KLF13: variants seen among roughly 807,000 people sequenced by gnomAD.
KLF13 encodes the protein KLF transcription factor 13.
KLF13 carries 8 observed loss-of-function variants against 16.7 expected under a neutral mutation model. The ratio of observed to expected loss-of-function variants is 0.48; its 90% CI spans 0.28 to 0.87. The LOEUF (loss-of-function observed/expected upper bound fraction) is 0.87. Among genes scored for constraint, KLF13 ranks in the 40% least tolerant of loss-of-function variants. The probability of loss-of-function intolerance (pLI) is 0.10; values close to 1 mark genes in which losing one functional copy is unlikely to be tolerated. For missense variants in KLF13, 447 were observed against 452.2 expected, an observed-to-expected ratio of 0.99 and a Z score of 0.10; for synonymous variants, 245 against 208.4, an observed-to-expected ratio of 1.18 and a Z score of -1.51.
At chr15:31,369,007 T>C (rs2039517826) in intron 1 of KLF13, among the ~76,000 whole-genome samples, 1 of 152,180 alleles carries the variant, frequency 6.6e-6, no homozygotes, top group South Asian at 2.1e-4. Context: ...GTTTCTTGAT[T>C]TATCAAATTT....
At chr15:31,407,803 C>T (rs1484051405), downstream of KLF13, among the ~76,000 whole-genome samples, 1 of 152,134 alleles carries the variant, frequency 6.6e-6, no homozygotes, top group Non-Finnish European at 1.5e-5. Context: ...TTATTTGACT[C>T]TTTCTACAGA....
intron 1 of KLF13, among the ~76,000 whole-genome samples, chr15:31,345,168 G>GAGC (rs2039092090): frequency 6.6e-6 from 1 of 152,238 alleles, no homozygotes; most frequent in Non-Finnish European, 1.5e-5. Context: ...CAGGAGAGGA[G>GAGC]CAGGACAGAT....
intron 2 of KLF13, among the ~76,000 whole-genome samples, chr15:31,399,661 G>A (rs2040006674): frequency 6.6e-6 from 1 of 152,264 alleles, no homozygotes; most frequent in Non-Finnish European, 1.5e-5. Context: ...GCTGGGTGCG[G>A]GACAAGGGGT....
chr15:31,351,829 A>G (rs190406304), intron 1 of KLF13, among the ~76,000 whole-genome samples: 2 of 152,186 alleles, frequency 1.3e-5, no homozygotes, highest in African/African-American at 4.8e-5. Flanking sequence ...CCTGGCCAAC[A>G]TGGTGAAACA....
intron 1 of KLF13, among the ~76,000 whole-genome samples, chr15:31,354,443 C>T (rs570539522): frequency 2.6e-5 from 4 of 152,294 alleles, no homozygotes; most frequent in East Asian, 3.9e-4. Context: ...TGCAATGGCG[C>T]GATCTCAGCT....
chr15:31,420,478 C>A, intron 1 of KLF13: 1 of 742,892 alleles, frequency 1.3e-6, no homozygotes, highest in Non-Finnish European at 2.4e-6. Flanking sequence ...GCCTGGATAT[C>A]TGGAAAGACA....
At chr15:31,354,444 G>A (rs1289653871) in intron 1 of KLF13, among the ~76,000 whole-genome samples, 2 of 152,154 alleles carry the variant, frequency 1.3e-5, no homozygotes, top group Admixed American at 6.5e-5. Flanking sequence ...GCAATGGCGC[G>A]ATCTCAGCTC....
At chr15:31,358,613 T>G (rs1440934455) in intron 1 of KLF13, among the ~76,000 whole-genome samples, 1 of 152,256 alleles carries the variant, frequency 6.6e-6, no homozygotes, top group Non-Finnish European at 1.5e-5. Flanking sequence ...TTGTTGAGAT[T>G]GAGTTCTTTA....
At chr15:31,330,834 A>G (rs1212872301) in intron 1 of KLF13, among the ~76,000 whole-genome samples, 1 of 152,256 alleles carries the variant, frequency 6.6e-6, no homozygotes, top group Non-Finnish European at 1.5e-5. Context: ...TTGGCCAATT[A>G]GAACTTCCGA....
At position 31,327,176 on chromosome 15, in the gene KLF13, C is replaced by G. The variant is rs895678161; in HGVS notation, c.-37C>G. On this transcript the variant is annotated 5_prime_UTR_variant, in exon 1 of 2. Transcript: ENST00000307145. The stretch of plus-strand genomic sequence containing the variant: ...GGGTGCGGATGCGCGGCTGACGACT[C>G]GCAGCAAGAGCACCGCCGCCGGCCC... 1 of 1,254,818 alleles carries G rather than the reference C, an allele frequency of 8.0e-7. No individual in the cohort carries two copies. Among genetic ancestry groups the G allele is most frequent in the Non-Finnish European group, 1.0e-6 (1 of 998,068 alleles). 77.7% of individuals were successfully genotyped at this position (1,254,818 alleles called of 1,614,324 possible). A position where few individuals can be genotyped will look rare whatever the true frequency, so the allele number is the denominator to read the frequency against.
At chr15:31,337,964 G>A (rs1363597433) in intron 1 of KLF13, among the ~76,000 whole-genome samples, 1 of 152,208 alleles carries the variant, frequency 6.6e-6, no homozygotes, top group Non-Finnish European at 1.5e-5. Context: ...GAGCCTGTCA[G>A]TGTCTACTGT....
intron 1 of KLF13, among the ~76,000 whole-genome samples, chr15:31,328,436 C>G (rs1266694344): frequency 1.3e-5 from 2 of 151,980 alleles, no homozygotes; most frequent in Non-Finnish European, 2.9e-5. Flanking sequence ...TCCCGCTCCC[C>G]GCCTGCGGCT....
At chr15:31,353,137 C>T (rs1057239764) in intron 1 of KLF13, among the ~76,000 whole-genome samples, 11 of 152,146 alleles carry the variant, frequency 7.2e-5, no homozygotes, top group African/African-American at 2.7e-4. Context: ...ACTTTGTGGC[C>T]TCATTTCCTG....
chr15:31,388,624 A>G (rs1334165019), upstream of KLF13, among the ~76,000 whole-genome samples: 4 of 150,436 alleles, frequency 2.7e-5, no homozygotes, highest in Admixed American at 6.6e-5. Context: ...AAAAAAAAAG[A>G]AAAAGAAAAC....
At chr15:31,328,919 T>C (rs564248586) in intron 1 of KLF13, among the ~76,000 whole-genome samples, 89 of 152,106 alleles carry the variant, frequency 5.9e-4, no homozygotes, top group Non-Finnish European at 1.2e-3. Flanking sequence ...TACTGTTGTC[T>C]TGTGACCAAG....
At chr15:31,395,338 G>C (rs2140986924) in intron 2 of KLF13, among the ~76,000 whole-genome samples, 1 of 152,248 alleles carries the variant, frequency 6.6e-6, no homozygotes, top group Non-Finnish European at 1.5e-5. Context: ...TTTTTTTAAA[G>C]TCCATTCATC....
At chr15:31,413,211 A>C (rs1381018807) in intron 1 of KLF13, among the ~76,000 whole-genome samples, 3 of 150,864 alleles carry the variant, frequency 2.0e-5, no homozygotes, top group Non-Finnish European at 4.4e-5. Context: ...AACAAAAAAC[A>C]AAAAAACCAG....
chr15:31,374,093 C>G lies in KLF13; in HGVS notation c.*1794C>G, dbSNP rs977217911. 1.7e-4 allele frequency: 26 copies of G among 152,752 alleles called. No homozygotes were observed. The highest frequency in any genetic ancestry group is 6.0e-4 in the African/African-American group (25 of 41,454). 9.5% of individuals were successfully genotyped at this position (152,752 alleles called of 1,614,324 possible). A position where few individuals can be genotyped will look rare whatever the true frequency, so the allele number is the denominator to read the frequency against. ...TGGGGTGCAGCACAAACCCAGGACC[C>G]AGGCCTAGCCACTGCCCACAGCTGA... is the stretch of plus-strand genomic sequence containing the variant. On this transcript the variant is annotated 3_prime_UTR_variant, in exon 2 of 2. Coordinates refer to ENST00000307145, the MANE Select transcript of KLF13 (RefSeq NM_015995.4).
downstream of KLF13, among the ~76,000 whole-genome samples, chr15:31,378,645 C>T (rs572948142): frequency 3.0e-4 from 46 of 151,978 alleles, no homozygotes; most frequent in African/African-American, 1.1e-3. Flanking sequence ...CTCAGCCTCA[C>T]CCAGGGGTAG....
Sources: gnomAD v4.1 joint callset for allele counts (sites outside exome capture counted in the v4.1 genomes callset) on GRCh38, gnomAD v4.1.1 for gene constraint, MANE v1.5 for transcripts, NCBI Gene and HGNC (gene_info 2026-07-23, HGNC 2026-07-21) for gene names.